Variants in INTS2 observed in about 807,000 individuals in gnomAD.
The protein encoded by INTS2 is integrator complex subunit 2.
A neutral mutation model predicts 139.6 loss-of-function variants in INTS2; 57 were observed. The ratio of observed to expected loss-of-function variants is 0.41; its 90% CI spans 0.33 to 0.51. INTS2 has a LOEUF of 0.51. Ranked by LOEUF, INTS2 falls within the 20% of genes least tolerant of loss-of-function variation. The probability of loss-of-function intolerance (pLI) is 0.28; values close to 1 mark genes in which losing one functional copy is unlikely to be tolerated. For missense variants in INTS2, 1,196 were observed against 1,436.7 expected, an observed-to-expected ratio of 0.83 and a Z score of 2.71; for synonymous variants, 473 against 493.4, an observed-to-expected ratio of 0.96 and a Z score of 0.55.
intron 18 of INTS2, among the ~76,000 whole-genome samples, chr17:61,877,227 A>G (rs549557393): frequency 5.6e-4 from 86 of 152,342 alleles, no homozygotes; most frequent in African/African-American, 2.0e-3. Context: ...TATAAATACC[A>G]GAATAAAAAG....
intron 9 of INTS2, among the ~76,000 whole-genome samples, chr17:61,903,220 ATTTTTT>A (rs61007688): frequency 7.1e-6 from 1 of 141,064 alleles, no homozygotes; most frequent in Non-Finnish European, 1.5e-5. Flanking sequence ...TTTCTTTTTA[ATTTTTT>A]TTTTTTTAAA....
chr17:61,904,594 G>A lies in INTS2; in HGVS notation c.1182-9C>T. 1 of 1,603,980 alleles carries A rather than the reference G, an allele frequency of 6.2e-7. No individual in the cohort carries two copies. The highest frequency in any genetic ancestry group is 8.5e-7 in the Non-Finnish European group (1 of 1,175,962). On this transcript the variant is annotated splice_polypyrimidine_tract_variant and intron_variant, in intron 8 of 24. Coordinates refer to ENST00000251334, the MANE Select transcript of INTS2 (RefSeq NM_001351695.2). ...CTTCTTCTTCAGTTGGTCTAAAAAG[G>A]AATACATCATTAGGCTTTACATTTT...
chr17:61,894,612 G>A (rs917256225), intron 12 of INTS2, among the ~76,000 whole-genome samples: 1 of 152,176 alleles, frequency 6.6e-6, no homozygotes, highest in Non-Finnish European at 1.5e-5. Context: ...AGCACTCTGG[G>A]AGGCTGAGGT....
At chr17:61,874,863 C>T in intron 19 of INTS2, 50 bp downstream of exon 19, 2 of 1,360,086 alleles carry the variant, frequency 1.5e-6, no homozygotes, top group Non-Finnish European at 1.9e-6. Flanking sequence ...TTTCTTTTGA[C>T]TCTCCAAAGT....
intron 7 of INTS2, chr17:61,910,529 T>C (rs1332503084): frequency 6.6e-6 from 1 of 151,494 alleles, no homozygotes. Flanking sequence ...GAGGTAGAGC[T>C]TGCAGTGAGC....
In INTS2 at chr17:61,868,861, A is replaced by C. The variant is rs2079066414; in HGVS notation, c.3244+173T>G. On this transcript the variant is annotated intron_variant, in intron 23 of 24. Transcript: ENST00000251334. This position sits in a 1 kb window ranked among gnomAD's most constrained non-coding sequence, Gnocchi z 4.7. ...CACTATAAATCACATTTGTAAACAG[A>C]AGTTTCCAAAAGAAGAATTCAAAAG... Among the ~76,000 whole-genome samples the C allele has an allele frequency of 6.6e-6, 1 of 152,194 alleles. No individual in the cohort carries two copies. Among genetic ancestry groups the C allele is most frequent in the African/African-American group, 2.4e-5 (1 of 41,452 alleles).
At chr17:61,877,812 C>G in intron 18 of INTS2, 75 bp downstream of exon 18, 1 of 1,249,334 alleles carries the variant, frequency 8.0e-7, no homozygotes, top group Non-Finnish European at 1.1e-6. Context: ...ATTTTTTAAA[C>G]AATTAAATTT....
chr17:61,896,783 T>C (rs1287590833), intron 11 of INTS2, among the ~76,000 whole-genome samples: 1 of 152,204 alleles, frequency 6.6e-6, no homozygotes, highest in African/African-American at 2.4e-5. Flanking sequence ...GTTGAAAGTT[T>C]AGAAAAACAG....
At chr17:61,920,357 T>C (rs1191260762) in intron 4 of INTS2, among the ~76,000 whole-genome samples, 1 of 152,074 alleles carries the variant, frequency 6.6e-6, no homozygotes, top group South Asian at 2.1e-4. Context: ...AATTTTTGTA[T>C]TTTTAGTAGA....
At position 61,919,493 on chromosome 17, in the gene INTS2, T is replaced by C. The variant is rs751129942; in HGVS notation, c.556A>G (p.Ile186Val). 4 of 1,589,208 alleles carry C rather than the reference T, an allele frequency of 2.5e-6. No homozygotes were observed. Among genetic ancestry groups the C allele is most frequent in the African/African-American group, 1.3e-5 (1 of 74,514 alleles). The stretch of plus-strand genomic sequence containing the variant: ...AGCAAAGCTTCAGCTACATCAACTA[T>C]AGGGAGCAAGGAAGGGAGCTCTACA... Reference protein sequence around the residue: ...LQAELPSLLPIVDVAEALLHV... With the variant: ...LQAELPSLLPVVDVAEALLHV... Residue 186 changes from isoleucine to valine, a missense_variant, in exon 5 of 25, where the codon ATA becomes GTA. Ile to Val is a conservative substitution (Grantham distance 29). Coordinates refer to ENST00000251334, the MANE Select transcript of INTS2 (RefSeq NM_001351695.2).
Position 61,882,819 on chromosome 17 carries a change from T to C in INTS2, c.2090-1648A>G, listed in dbSNP as rs568715123. 3.3e-5 allele frequency among the ~76,000 whole-genome samples: 5 copies of C among 152,336 alleles called. No individual in the cohort carries two copies. In the East Asian group the frequency reaches 9.6e-4, roughly 29 times the overall value. On this transcript the variant is annotated intron_variant, in intron 16 of 24. Coordinates refer to ENST00000251334, the MANE Select transcript of INTS2 (RefSeq NM_001351695.2). This position sits in a 1 kb window ranked among gnomAD's most constrained non-coding sequence, Gnocchi z 4.7. ...AAGTGCTTCACACATAAGTACCTAA[T>C]AAATATTGTTGCTACCATACTATTA... is the stretch of plus-strand genomic sequence containing the variant.
chr17:61,897,840 G>A lies in INTS2; in HGVS notation c.1308-101C>T, dbSNP rs1018481103. On this transcript the variant is annotated intron_variant, in intron 9 of 24. Transcript: ENST00000251334. This position sits in a 1 kb window ranked among gnomAD's most constrained non-coding sequence, Gnocchi z 4.4. ...ATTTTTGGTAGAAATTATTTTTCCT[G>A]CCCTATTTTCAAGTATCAAGTCAAA... 24 of 856,958 alleles carry A rather than the reference G, an allele frequency of 2.8e-5. No individual in the cohort carries two copies. Among genetic ancestry groups the A allele is most frequent in the African/African-American group, 2.7e-4 (16 of 58,394 alleles). The allele number at this position is 856,958 out of a possible 1,614,324, so 53.1% of individuals were successfully genotyped here.
Position 61,866,957 on chromosome 17 carries a change from C to G in INTS2, c.*600G>C, listed in dbSNP as rs979440766. On this transcript the variant is annotated 3_prime_UTR_variant, in exon 25 of 25. Transcript: ENST00000251334. The stretch of plus-strand genomic sequence containing the variant: ...CTTTAAATCCTCATCTGTATTTCCA[C>G]AGAAATCATTTACAAAAGCTACTTG... 1 of 152,140 alleles carries G rather than the reference C, an allele frequency of 6.6e-6. No homozygotes were observed. The highest frequency in any genetic ancestry group is 2.4e-5 in the African/African-American group (1 of 41,440). The allele number at this position is 152,140 out of a possible 1,614,324, so 9.4% of individuals were successfully genotyped here.
chr17:61,897,678 A>G lies in INTS2; in HGVS notation c.1369T>C (p.Tyr457His), dbSNP rs1211034206. 4.4e-6 allele frequency: 7 copies of G among 1,605,490 alleles called. No homozygotes were observed. ...WLSWMIKEEA[Y>H]FESTSGVSAS... Reference sequence around the variant, plus strand: ...ATCAAATTATCTTACCTCTCAAAATACGCTTCTTCTTTTATCATCCAACTT... The same window carrying G: ...ATCAAATTATCTTACCTCTCAAAATGCGCTTCTTCTTTTATCATCCAACTT... Residue 457 changes from tyrosine to histidine, a missense_variant, in exon 10 of 25, where the codon TAT (tyrosine) becomes CAT (histidine). Physicochemically the swap from Tyr to His is moderately conservative, Grantham distance 83 (BLOSUM62 2). Coordinates refer to ENST00000251334, the MANE Select transcript of INTS2 (RefSeq NM_001351695.2). This position sits in a 1 kb window ranked among gnomAD's most constrained non-coding sequence, Gnocchi z 4.4.
Position 61,867,676 on chromosome 17 carries a change from C to A in INTS2, c.3472G>T (p.Asp1158Tyr), listed in dbSNP as rs760317635. The change falls in exon 25 of 25, where the codon GAT becomes TAT. Residue 1158 changes from aspartate to tyrosine, a missense_variant. Asp to Tyr is a radical substitution (Grantham distance 160, BLOSUM62 -3). Transcript: ENST00000251334. The surrounding 1 kb of genome is among the most constrained non-coding windows in gnomAD (Gnocchi z 5.6). ...CTGGATCCATTTTTATAAGATGAAT[C>A]TTTACAGATTTGAGACCATCCACTT... ...KPSGWSQICK[D>Y]SSYKNGSRDT... The A allele has an allele frequency of 1.2e-6, 2 of 1,612,706 alleles. No homozygotes were observed. Among genetic ancestry groups the A allele is most frequent in the Non-Finnish European group, 1.7e-6 (2 of 1,179,120 alleles).
At chr17:61,883,343 T>C (rs531949556) in intron 16 of INTS2, among the ~76,000 whole-genome samples, 2 of 143,988 alleles carry the variant, frequency 1.4e-5, no homozygotes, top group Non-Finnish European at 3.0e-5. Flanking sequence ...TGAAACCACA[T>C]CTCTACTTAA....
intron 15 of INTS2, among the ~76,000 whole-genome samples, chr17:61,887,757 A>C (rs1385333213): frequency 6.6e-6 from 1 of 151,994 alleles, no homozygotes; most frequent in Non-Finnish European, 1.5e-5. Context: ...TCAAAACATA[A>C]AAAAGAAAAT....
Position 61,868,944 on chromosome 17 carries a change from A to C in INTS2, c.3244+90T>G. The C allele has an allele frequency of 1.3e-6, 1 of 763,504 alleles. No homozygotes were observed. The highest frequency in any genetic ancestry group is 2.5e-5 in the East Asian group (1 of 40,052). The allele number at this position is 763,504 out of a possible 1,614,324, so 47.3% of individuals were successfully genotyped here. ...TTGTATCATACTGTCTCAGAGTGACAGAAAAAACATATTGCATCACTAAAT... is the reference window on the plus strand; with the variant it reads ...TTGTATCATACTGTCTCAGAGTGACCGAAAAAACATATTGCATCACTAAAT... On this transcript the variant is annotated intron_variant, in intron 23 of 24. Coordinates refer to ENST00000251334, the MANE Select transcript of INTS2 (RefSeq NM_001351695.2). This position sits in a 1 kb window ranked among gnomAD's most constrained non-coding sequence, Gnocchi z 4.7.
intron 9 of INTS2, among the ~76,000 whole-genome samples, chr17:61,902,858 T>TAAA (rs1049738346): frequency 5.1e-5 from 5 of 98,054 alleles, no homozygotes; most frequent in Non-Finnish European, 6.5e-5. Flanking sequence ...TGAAAGAGCT[T>TAAA]AAAAAAAAAA....
Sources: allele counts gnomAD v4.1 joint callset (sites outside exome capture counted in the v4.1 genomes callset), GRCh38; gene constraint gnomAD v4.1.1; non-coding constraint Gnocchi (gnomAD v3.1); transcripts MANE v1.5; gene names NCBI Gene and HGNC (gene_info 2026-07-23, HGNC 2026-07-21).